Variants in PIK3C2A observed in about 807,000 individuals in gnomAD.
PIK3C2A encodes phosphatidylinositol-4-phosphate 3-kinase catalytic subunit type 2 alpha.
PIK3C2A carries 97 observed loss-of-function variants against 204.5 expected under a neutral mutation model. That is an observed-to-expected ratio of 0.47 (90% CI 0.40 to 0.56). The LOEUF (loss-of-function observed/expected upper bound fraction) is 0.56. Among genes scored for constraint, PIK3C2A ranks in the 20% least tolerant of loss-of-function variants. The pLI is 0.00. For synonymous variants in PIK3C2A, 653 were observed against 664.4 expected (o/e 0.98, Z 0.26); for missense variants, 1,735 against 1,969.2 (o/e 0.88, Z 2.25).
intron 1 of PIK3C2A, chr11:17,193,888 A>AGGGG (rs2137559968): frequency 5.5e-6 from 1 of 181,948 alleles, no homozygotes; most frequent in Admixed American, 7.7e-5. Context: ...AAAAGAAAAG[A>AGGGG]AAAGAAAAGA....
chr11:17,195,896 A>C (rs1463152628), intron 1 of PIK3C2A, among the ~76,000 whole-genome samples: 1 of 150,632 alleles, frequency 6.6e-6, no homozygotes, highest in Non-Finnish European at 1.5e-5. Flanking sequence ...AAAATTAGCC[A>C]GGCATGGTGG....
intron 12 of PIK3C2A, among the ~76,000 whole-genome samples, chr11:17,129,763 C>T (rs1273146847): frequency 1.3e-5 from 2 of 151,892 alleles, no homozygotes; most frequent in Non-Finnish European, 2.9e-5. Flanking sequence ...AGCTAATTTT[C>T]GTATTTTTAG....
chr11:17,182,245 A>G (rs956912615), intron 1 of PIK3C2A, among the ~76,000 whole-genome samples: 3 of 152,174 alleles, frequency 2.0e-5, no homozygotes, highest in African/African-American at 7.2e-5. Flanking sequence ...TTAAATAATC[A>G]TATATGATTT....
At chr11:17,201,508 A>G (rs1024284280) in intron 1 of PIK3C2A, among the ~76,000 whole-genome samples, 4 of 141,484 alleles carry the variant, frequency 2.8e-5, no homozygotes, top group African/African-American at 1.1e-4. Context: ...GCCTGGTGAA[A>G]GAACGTGACT....
chr11:17,200,074 T>C (rs1852312974), intron 1 of PIK3C2A, among the ~76,000 whole-genome samples: 4 of 151,518 alleles, frequency 2.6e-5, no homozygotes, highest in Admixed American at 6.6e-5. Flanking sequence ...TAATCCCAGC[T>C]ACTCAGGAGG....
At chr11:17,112,390 T>A (rs1347153603) in intron 21 of PIK3C2A, among the ~76,000 whole-genome samples, 184 bp downstream of exon 21, 4 of 151,852 alleles carry the variant, frequency 2.6e-5, no homozygotes, top group African/African-American at 9.7e-5. Flanking sequence ...GATGTGGAGG[T>A]TGCAGTAAGC....
intron 2 of PIK3C2A, 106 bp downstream of exon 2, chr11:17,168,571 A>G: frequency 1.2e-6 from 1 of 807,046 alleles, no homozygotes; most frequent in East Asian, 2.5e-5. Flanking sequence ...ACAGAGCGAG[A>G]CTCCTTCTTA....
intron 13 of PIK3C2A, among the ~76,000 whole-genome samples, chr11:17,124,587 A>C (rs185270686): frequency 1.3e-5 from 2 of 152,196 alleles, no homozygotes; most frequent in Admixed American, 1.3e-4. Context: ...GCCTTTACAG[A>C]GTTTATTTAT....
rs1224001865 is a variant in PIK3C2A, at chr11:17,092,378, A to G, written c.4452-102T>C. 3 of 688,852 alleles carry G rather than the reference A, an allele frequency of 4.4e-6. No individual in the cohort carries two copies. The African/African-American group carries it at 5.4e-5, about 12-fold the overall frequency. The allele number at this position is 688,852 out of a possible 1,614,324, so 42.7% of individuals were successfully genotyped here. On this transcript the variant is annotated intron_variant, in intron 28 of 32. Coordinates refer to ENST00000691414, the MANE Select transcript of PIK3C2A (RefSeq NM_002645.4). ...CTTAAAGACAAAGTAGTCTTAATCC[A>G]TTATAAAGTAATATTTTGTGGCCGG...
At position 17,106,121 on chromosome 11, in the gene PIK3C2A, A is replaced by G. The variant is rs1848808132; in HGVS notation, c.3545-816T>C. On this transcript the variant is annotated intron_variant, in intron 22 of 32. Transcript: ENST00000691414. Reference sequence around the variant, plus strand: ...CAGACTCTATCTCAAAAAAAAAAAAATCAAGTCTGGCCAGGAATGGTGGCT... The same window carrying G: ...CAGACTCTATCTCAAAAAAAAAAAAGTCAAGTCTGGCCAGGAATGGTGGCT... 1.3e-5 allele frequency among the ~76,000 whole-genome samples: 2 copies of G among 148,234 alleles called. 1 individual carries two copies. Among genetic ancestry groups the G allele is most frequent in the Middle Eastern group, 6.4e-3 (2 of 312 alleles).
intron 28 of PIK3C2A, among the ~76,000 whole-genome samples, chr11:17,093,535 A>AT (rs1848369945): frequency 6.6e-6 from 1 of 151,654 alleles, no homozygotes; most frequent in Admixed American, 6.6e-5. Context: ...AAATGCTGGG[A>AT]TTATAGGTGT....
chr11:17,132,797 G>A (rs1849743166), intron 11 of PIK3C2A, among the ~76,000 whole-genome samples: 1 of 152,152 alleles, frequency 6.6e-6, no homozygotes, highest in Non-Finnish European at 1.5e-5. Flanking sequence ...GCATGTGCCT[G>A]ACTTGCATCA....
rs1852026630 is a variant in PIK3C2A at position 17,193,847 on chromosome 11, A to AAAAG, written c.-66+14000_-66+14001insCTTT. Reference sequence around the variant, plus strand: ...GCAACAGAGCGAGACTCTGTCTCAAAAAAAGAAAAGAAAAGAAAAGAAAAG... The same window carrying AAAAG: ...GCAACAGAGCGAGACTCTGTCTCAAAAAAGAAAAGAAAAGAAAAGAAAAGAAAAG... On this transcript the variant is annotated intron_variant, in intron 1 of 32. Coordinates refer to ENST00000691414, the MANE Select transcript of PIK3C2A (RefSeq NM_002645.4). The AAAAG allele has an allele frequency of 3.0e-5, 2 of 66,098 alleles. 1 individual carries two copies. Among genetic ancestry groups the AAAAG allele is most frequent in the East Asian group, 2.1e-3 (2 of 940 alleles). 4.1% of individuals were successfully genotyped at this position (66,098 alleles called of 1,614,324 possible).
intron 1 of PIK3C2A, among the ~76,000 whole-genome samples, chr11:17,179,917 G>A (rs1049448400): frequency 3.9e-5 from 6 of 152,150 alleles, no homozygotes; most frequent in Non-Finnish European, 5.9e-5. Flanking sequence ...CTCTATATCA[G>A]TGTAAAGAAA....
At chr11:17,143,324 C>T (rs1321333697) in intron 8 of PIK3C2A, among the ~76,000 whole-genome samples, 3 of 152,024 alleles carry the variant, frequency 2.0e-5, no homozygotes, top group Non-Finnish European at 2.9e-5. Flanking sequence ...CTTCTCCATG[C>T]TCTTTATCTT....
intron 8 of PIK3C2A, among the ~76,000 whole-genome samples, chr11:17,139,639 A>T (rs1237662535): frequency 6.6e-6 from 1 of 152,194 alleles, no homozygotes; most frequent in Non-Finnish European, 1.5e-5. Context: ...TTTGCATTGG[A>T]TATTTATCTA....
At chr11:17,106,904 G>C (rs142106617) in intron 22 of PIK3C2A, among the ~76,000 whole-genome samples, 162 of 152,354 alleles carry the variant, frequency 1.1e-3, no homozygotes, top group African/African-American at 3.7e-3. Context: ...AAAGGAAGAA[G>C]AGATGAAGAC....
Position 17,091,666 on chromosome 11 carries a change from CA to C in PIK3C2A, c.4643-11del, listed in dbSNP as rs753665903. The C allele has an allele frequency of 6.8e-7, 1 of 1,475,854 alleles. No individual in the cohort carries two copies. Among genetic ancestry groups the C allele is most frequent in the South Asian group, 1.2e-5 (1 of 85,416 alleles). The allele number at this position is 1,475,854 out of a possible 1,614,324, so 91.4% of individuals were successfully genotyped here. On this transcript the variant is annotated splice_polypyrimidine_tract_variant and intron_variant, in intron 30 of 32. Coordinates refer to ENST00000691414, the MANE Select transcript of PIK3C2A (RefSeq NM_002645.4). ...CTGAAGGAACCTGCATCTGAAAATA[CA>C]AATATTTTCATCTTTATTTACTGGT...
chr11:17,195,981 G>C (rs1195942579), intron 1 of PIK3C2A, among the ~76,000 whole-genome samples: 2 of 152,110 alleles, frequency 1.3e-5, no homozygotes, highest in Non-Finnish European at 2.9e-5. Context: ...AGAGCTTGCA[G>C]TGAGCCGAGA....
Sources: gnomAD v4.1 joint callset for allele counts (sites outside exome capture counted in the v4.1 genomes callset) on GRCh38, gnomAD v4.1.1 for gene constraint, MANE v1.5 for transcripts, NCBI Gene and HGNC (gene_info 2026-07-23, HGNC 2026-07-21) for gene names.